EHBP1: variants seen among roughly 807,000 people sequenced by gnomAD.
EHBP1 encodes the protein EH domain binding protein 1, also known as EH domain-binding protein 1.
Under a neutral mutation model 144.0 loss-of-function variants are expected in EHBP1, and 55 were observed. The observed-to-expected ratio is 0.38, with a 90% CI of 0.31 to 0.48. EHBP1 has a LOEUF of 0.48. EHBP1 is among the 20% of genes least tolerant of loss of function. The pLI, the probability that EHBP1 is intolerant of heterozygous loss-of-function variation, is 0.98. For missense variants in EHBP1, 1,200 were observed against 1,364.2 expected (o/e 0.88, Z 1.90); for synonymous variants, 469 against 472.7 (o/e 0.99, Z 0.10).
intron 19 of EHBP1, among the ~76,000 whole-genome samples, chr2:63,028,580 C>G (rs2061089307): frequency 6.6e-6 from 1 of 152,044 alleles, no homozygotes; most frequent in African/African-American, 2.4e-5. Flanking sequence ...TTTGTAGAGA[C>G]TTTAAGCAAC....
chr2:62,836,514 G>C (rs1257458540), intron 7 of EHBP1, among the ~76,000 whole-genome samples: 3 of 143,796 alleles, frequency 2.1e-5, no homozygotes, highest in Non-Finnish European at 4.5e-5. Flanking sequence ...CGAGCTGAGA[G>C]AAGGCTTCAG....
intron 10 of EHBP1, among the ~76,000 whole-genome samples, chr2:62,887,316 G>A (rs13386257): frequency 2.8e-4 from 42 of 152,152 alleles, no homozygotes; most frequent in Admixed American, 2.5e-3. Context: ...ATGGATATTA[G>A]GGGTCAGTTA....
At chr2:62,894,271 T>G (rs572820382) in intron 10 of EHBP1, among the ~76,000 whole-genome samples, 1 of 152,276 alleles carries the variant, frequency 6.6e-6, no homozygotes, top group Admixed American at 6.5e-5. Context: ...ACATTATAAT[T>G]AGGGCTATAA....
At chr2:62,800,774 C>G (rs1423600135) in intron 5 of EHBP1, among the ~76,000 whole-genome samples, 2 of 152,148 alleles carry the variant, frequency 1.3e-5, no homozygotes, top group African/African-American at 4.8e-5. Context: ...AGACACAAAA[C>G]AATGTATTAC....
rs1418803569 is a variant in EHBP1 at position 63,045,111 on chromosome 2, T to G, written c.3323T>G (p.Leu1108Arg). The G allele has an allele frequency of 1.3e-6, 2 of 1,592,312 alleles. No individual in the cohort carries two copies. The change falls in exon 22 of 23, where the codon CTA (leucine) becomes CGA (arginine). Residue 1108 changes from leucine (L) to arginine (R), a missense_variant. Leu to Arg is a moderately radical substitution (Grantham distance 102). Transcript: ENST00000431489. This position sits in a 1 kb window ranked among gnomAD's most constrained non-coding sequence, Gnocchi z 5.7. Reference protein sequence around the residue: ...EAQKRREQLLLDELVALVNKR... With the variant: ...EAQKRREQLLRDELVALVNKR... ...CAGAAGCGACGCGAACAGCTTCTGC[T>G]AGATGAGCTGGTGGCCCTGGTGAAC...
chr2:62,764,477 A>G, intron 4 of EHBP1, 116 bp downstream of exon 4: 1 of 666,688 alleles, frequency 1.5e-6, no homozygotes, highest in Non-Finnish European at 2.3e-6. Flanking sequence ...CCTACTGTGC[A>G]TTATTTTTAG....
intron 5 of EHBP1, among the ~76,000 whole-genome samples, chr2:62,809,408 G>A (rs1032768054): frequency 2.0e-5 from 3 of 151,020 alleles, no homozygotes. Context: ...TGTGGTTACT[G>A]TGAGAACCTG....
intron 5 of EHBP1, among the ~76,000 whole-genome samples, chr2:62,822,129 C>T (rs1384427466): frequency 6.6e-6 from 1 of 151,948 alleles, no homozygotes; most frequent in Non-Finnish European, 1.5e-5. Context: ...ATAAAGAAGT[C>T]CTGAGTCTCA....
chr2:62,874,571 G>A, intron 10 of EHBP1, 39 bp downstream of exon 10: 1 of 1,485,594 alleles, frequency 6.7e-7, no homozygotes, highest in African/African-American at 1.4e-5. Context: ...ATTAATATTT[G>A]CTGTTTTCTC....
intron 15 of EHBP1, among the ~76,000 whole-genome samples, chr2:62,980,810 TG>T (rs1242351486): frequency 2.0e-5 from 3 of 149,354 alleles, no homozygotes; most frequent in African/African-American, 7.3e-5. Context: ...AGGACCCTAT[TG>T]CTACCAAATA....
At chr2:62,832,655 G>A (rs951499421) in intron 7 of EHBP1, among the ~76,000 whole-genome samples, 1 of 151,862 alleles carries the variant, frequency 6.6e-6, no homozygotes, top group Non-Finnish European at 1.5e-5. Flanking sequence ...GATCTTTGAT[G>A]TTACTATTGT....
rs765719959 is a variant in EHBP1, at chr2:62,993,839, A to T, written c.2873-32A>T. 7.4e-6 allele frequency: 11 copies of T among 1,488,752 alleles called. No individual in the cohort carries two copies. The East Asian group carries it at 2.6e-4, about 36-fold the overall frequency. 92.2% of individuals were successfully genotyped at this position (1,488,752 alleles called of 1,614,324 possible). A position where few individuals can be genotyped will look rare whatever the true frequency, so the allele number is the denominator to read the frequency against. On this transcript the variant is annotated intron_variant, in intron 17 of 22. Transcript: ENST00000431489. ...TACACAAATATCAAGCTTTACAATA[A>T]TTTTACATGTCTTTCCTCTTTTTTT...
intron 13 of EHBP1, among the ~76,000 whole-genome samples, chr2:62,950,293 C>G (rs1274089840): frequency 6.6e-6 from 1 of 152,040 alleles, no homozygotes; most frequent in Non-Finnish European, 1.5e-5. Context: ...GCATTGTTTG[C>G]CTTTATCACT....
intron 10 of EHBP1, among the ~76,000 whole-genome samples, chr2:62,920,267 C>T (rs988950258): frequency 1.3e-5 from 2 of 152,068 alleles, no homozygotes; most frequent in African/African-American, 2.4e-5. Flanking sequence ...CTCATATCAG[C>T]AGATTTCTCA....
Position 63,038,849 on chromosome 2 carries a change from A to T in EHBP1, c.3277+33A>T, listed in dbSNP as rs530743751. 16 of 1,580,736 alleles carry T rather than the reference A, an allele frequency of 1.0e-5. No individual in the cohort carries two copies. In the East Asian group the frequency reaches 3.4e-4, roughly 33 times the overall value. On this transcript the variant is annotated intron_variant, in intron 21 of 22. Transcript: ENST00000431489. Reference sequence around the variant, plus strand: ...ATGCTATGGTGGGGTGAGGTATGTGACGTGTCAGTTGTCAAAGAGATTTAA... The same window carrying T: ...ATGCTATGGTGGGGTGAGGTATGTGTCGTGTCAGTTGTCAAAGAGATTTAA...
chr2:62,944,403 T>C (rs1284581993), intron 12 of EHBP1, among the ~76,000 whole-genome samples: 2 of 152,238 alleles, frequency 1.3e-5, no homozygotes, highest in African/African-American at 4.8e-5. Context: ...ACCTTTTCTA[T>C]GTTTAGATAC....
intron 5 of EHBP1, among the ~76,000 whole-genome samples, chr2:62,797,738 A>G (rs899432418): frequency 2.6e-5 from 4 of 152,244 alleles, no homozygotes; most frequent in African/African-American, 9.6e-5. Flanking sequence ...TGAAAACAGT[A>G]GTAGAACTGT....
At chr2:62,955,417 ATC>A (rs1435589775) in intron 13 of EHBP1, 98 bp from the exon 14 acceptor site, 15 of 1,125,014 alleles carry the variant, frequency 1.3e-5, no homozygotes, top group Admixed American at 8.6e-5. Flanking sequence ...CTTATTCATA[ATC>A]TCTATTATTT....
chr2:62,838,119 A>T, intron 7 of EHBP1, among the ~76,000 whole-genome samples: 1 of 151,836 alleles, frequency 6.6e-6, no homozygotes, highest in African/African-American at 2.4e-5. Context: ...ATGTAAAAGA[A>T]CAGACATTAT....
Sources: allele counts gnomAD v4.1 joint callset (sites outside exome capture counted in the v4.1 genomes callset), GRCh38; gene constraint gnomAD v4.1.1; non-coding constraint Gnocchi (gnomAD v3.1); transcripts MANE v1.5; gene names NCBI Gene and HGNC (gene_info 2026-07-23, HGNC 2026-07-21).